The following SMIM31 variants were observed in gnomAD, a reference collection of about 807,000 sequenced individuals.
SMIM31 encodes human epithelial cell program regulator.
chr4:164,785,837 T>G (rs1202205367), intron 2 of SMIM31, among the ~76,000 whole-genome samples: 1 of 152,102 alleles, frequency 6.6e-6, no homozygotes. Flanking sequence ...TTTCTTATAA[T>G]GGAAGAAGTA....
intron 2 of SMIM31, among the ~76,000 whole-genome samples, chr4:164,779,959 C>A (rs561616635): frequency 6.6e-6 from 1 of 152,220 alleles, no homozygotes; most frequent in African/African-American, 2.4e-5. Flanking sequence ...TTGACAAACA[C>A]CCGAATCCAA....
intron 2 of SMIM31, among the ~76,000 whole-genome samples, chr4:164,771,745 G>T (rs544572449): frequency 6.6e-6 from 1 of 152,252 alleles, no homozygotes; most frequent in South Asian, 2.1e-4. Context: ...GGAGGCGGAG[G>T]TTGCAGTAAT....
chr4:164,771,109 C>T (rs1216093530), intron 2 of SMIM31, among the ~76,000 whole-genome samples: 1 of 152,182 alleles, frequency 6.6e-6, no homozygotes, highest in Admixed American at 6.5e-5. Context: ...CCTAGCTTAT[C>T]CCCAATCCCA....
chr4:164,794,631 C>G (rs1000165520), intron 2 of SMIM31, among the ~76,000 whole-genome samples: 1 of 151,914 alleles, frequency 6.6e-6, no homozygotes, highest in Non-Finnish European at 1.5e-5. Flanking sequence ...ATGGTGAAAC[C>G]CTGACTCTAC....
chr4:164,794,685 G>T (rs1263849474), intron 2 of SMIM31, among the ~76,000 whole-genome samples: 1 of 151,862 alleles, frequency 6.6e-6, no homozygotes, highest in Non-Finnish European at 1.5e-5. Context: ...TGCGCCTGTA[G>T]TCCCAGCTCC....
intron 2 of SMIM31, among the ~76,000 whole-genome samples, chr4:164,796,126 GA>G (rs1406528046): frequency 2.0e-5 from 3 of 152,112 alleles, no homozygotes; most frequent in African/African-American, 7.2e-5. Flanking sequence ...CATTTCCTCT[GA>G]AAAATCCTCA....
chr4:164,759,750 ACTGTT>A (rs771332962), intron 1 of SMIM31, among the ~76,000 whole-genome samples: 2 of 152,198 alleles, frequency 1.3e-5, no homozygotes, highest in Non-Finnish European at 2.9e-5. Context: ...TATTCCAAGC[ACTGTT>A]CTAGGCTCAG....
At chr4:164,797,466 T>TTTTC (rs1217333322) in intron 2 of SMIM31, among the ~76,000 whole-genome samples, 26 of 10,542 alleles carry the variant, frequency 2.5e-3, no homozygotes, top group African/African-American at 9.2e-3. Flanking sequence ...ATTTCTTTTC[T>TTTTC]TTTTTTTTTT....
intron 1 of SMIM31, among the ~76,000 whole-genome samples, chr4:164,756,579 AAAT>A (rs149459042): frequency 0.056 from 8,208 of 147,880 alleles, 458 homozygotes; most frequent in African/African-American, 0.15. Context: ...CTCAAAAAAA[AAAT>A]AATAATAATA....
chr4:164,765,624 GAAAA>G (rs200574845), intron 1 of SMIM31, among the ~76,000 whole-genome samples: 5,365 of 94,484 alleles, frequency 0.057, 174 homozygotes, highest in East Asian at 0.22. Context: ...CTTTGTCTCA[GAAAA>G]AAAAAAAAAA....
At chr4:164,774,023 A>G (rs147255498) in intron 2 of SMIM31, among the ~76,000 whole-genome samples, 6,615 of 152,004 alleles carry the variant, frequency 0.044, 410 homozygotes, top group African/African-American at 0.14. Context: ...AAAATTAGCC[A>G]GGCGTGGTGG....
At chr4:164,788,615 G>A (rs1406244238) in intron 2 of SMIM31, among the ~76,000 whole-genome samples, 2 of 147,794 alleles carry the variant, frequency 1.4e-5, no homozygotes, top group African/African-American at 2.5e-5. Context: ...TCAGCCTCTC[G>A]AGTAGCTGGG....
intron 2 of SMIM31, among the ~76,000 whole-genome samples, chr4:164,784,326 G>C (rs1468287709): frequency 2.0e-5 from 3 of 152,208 alleles, no homozygotes; most frequent in South Asian, 2.1e-4. Context: ...ACTGAACCCT[G>C]AAACAAACAG....
At chr4:164,769,541 A>G (rs967453973) in intron 1 of SMIM31, among the ~76,000 whole-genome samples, 8 of 143,444 alleles carry the variant, frequency 5.6e-5, no homozygotes, top group Non-Finnish European at 9.1e-5. Flanking sequence ...TGGGAATTGA[A>G]CAATGAGAAC....
rs1051298926 is a variant in SMIM31, at chr4:164,797,716, G to A, written c.113-3375G>A. On this transcript the variant is annotated intron_variant, in intron 2 of 2. Coordinates refer to ENST00000507311, the MANE Select transcript of SMIM31 (RefSeq NM_001352885.1). ...TGACCTCAGGTGATCAGCCCGCCTA[G>A]GCCCCCAAAGTGCTGGGATTACAGG... is the stretch of plus-strand genomic sequence containing the variant. 3.3e-5 allele frequency among the ~76,000 whole-genome samples: 5 copies of A among 152,170 alleles called. No homozygotes were observed. In the East Asian group the frequency reaches 9.6e-4, roughly 29 times the overall value.
chr4:164,765,747 G>C (rs2110926258), intron 1 of SMIM31, among the ~76,000 whole-genome samples: 1 of 152,188 alleles, frequency 6.6e-6, no homozygotes, highest in East Asian at 1.9e-4. Context: ...GGGCACTGCA[G>C]TATCTCACAG....
chr4:164,775,972 G>A (rs1732875520), intron 2 of SMIM31, among the ~76,000 whole-genome samples: 1 of 152,120 alleles, frequency 6.6e-6, no homozygotes, highest in Non-Finnish European at 1.5e-5. Flanking sequence ...CAAGGCTGGT[G>A]GCAATTCACC....
intron 1 of SMIM31, 39 bp downstream of exon 1, chr4:164,754,450 ACTCT>A (rs1237935329): frequency 9.3e-6 from 1 of 107,724 alleles, no homozygotes; most frequent in South Asian, 3.0e-4. Context: ...TTACCTCAAA[ACTCT>A]CTCTCTTTTT....
intron 1 of SMIM31, among the ~76,000 whole-genome samples, chr4:164,761,082 C>A (rs1732643352): frequency 6.6e-6 from 1 of 152,152 alleles, no homozygotes; most frequent in South Asian, 2.1e-4. Context: ...CCATTCTAAG[C>A]CAAAGAATTA....
Sources: gnomAD v4.1 joint callset for allele counts (sites outside exome capture counted in the v4.1 genomes callset) on GRCh38, gnomAD v4.1.1 for gene constraint, MANE v1.5 for transcripts, NCBI Gene and HGNC (gene_info 2026-07-23, HGNC 2026-07-21) for gene names.